Variants in ATG12 observed in about 807,000 individuals in gnomAD.
ATG12 encodes the protein autophagy related 12, also known as ubiquitin-like protein ATG12.
In ATG12, 19 loss-of-function variants were observed where a neutral mutation model predicts 17.6. The ratio of observed to expected loss-of-function variants is 1.08; its 90% CI spans 0.75 to 1.58. The LOEUF (loss-of-function observed/expected upper bound fraction) is 1.58, where lower values mean the gene tolerates loss of function less well. Ranked by LOEUF, ATG12 falls within the 40% of genes most tolerant of loss-of-function variation. The probability of loss-of-function intolerance (pLI) is 0.00; values close to 1 mark genes in which losing one functional copy is unlikely to be tolerated. For synonymous variants in ATG12, 75 were observed against 62.4 expected, an observed-to-expected ratio of 1.20 and a Z score of -0.95; for missense variants, 214 against 162.0, an observed-to-expected ratio of 1.32 and a Z score of -1.74.
Position 115,834,379 on chromosome 5 carries a change from T to G in ATG12, c.301-1715A>C, listed in dbSNP as rs540124378. ...TAAGTAACAGGTTAACATCATCAAT[T>G]CCACTGCAGAATCGCTAAGTGGCGT... On this transcript the variant is annotated intron_variant, in intron 2 of 3. Coordinates refer to ENST00000509910, the MANE Select transcript of ATG12 (RefSeq NM_004707.4). The G allele has an allele frequency of 5.9e-5, 9 of 152,326 alleles. No homozygotes were observed. In the South Asian group the frequency reaches 1.4e-3, roughly 25 times the overall value. The allele number at this position is 152,326 out of a possible 1,614,324, so 9.4% of individuals were successfully genotyped here.
Position 115,832,589 on chromosome 5 carries a change from T to TA in ATG12, c.363+12_363+13insT, listed in dbSNP as rs1437857718. On this transcript the variant is annotated intron_variant, in intron 3 of 3. Coordinates refer to ENST00000509910, the MANE Select transcript of ATG12 (RefSeq NM_004707.4). ...TTTCTTTCTTTTTTTTTTTTTTTTTTTTTTTTTTTTACCTCATAGAGAGTT... is the reference window on the plus strand; with the variant it reads ...TTTCTTTCTTTTTTTTTTTTTTTTTTATTTTTTTTTTACCTCATAGAGAGTT... The TA allele has an allele frequency of 6.9e-7, 1 of 1,439,626 alleles. No homozygotes were observed. Among genetic ancestry groups the TA allele is most frequent in the Non-Finnish European group, 9.1e-7 (1 of 1,102,746 alleles). The allele number at this position is 1,439,626 out of a possible 1,614,324, so 89.2% of individuals were successfully genotyped here.
chr5:115,832,075 G>GC (rs1760891417), intron 3 of ATG12, among the ~76,000 whole-genome samples: 1 of 152,034 alleles, frequency 6.6e-6, no homozygotes, highest in Non-Finnish European at 1.5e-5. Context: ...AGCATCTTAG[G>GC]CATGAATGAG....
Position 115,830,930 on chromosome 5 carries a change from A to G in ATG12, c.*874T>C, listed in dbSNP as rs1760844608. 1 of 152,252 alleles carries G rather than the reference A, an allele frequency of 6.6e-6. No homozygotes were observed. The highest frequency in any genetic ancestry group is 2.4e-5 in the African/African-American group (1 of 41,470). 9.4% of individuals were successfully genotyped at this position (152,252 alleles called of 1,614,324 possible). ...TAGCATCAGTAAAAATGGCACTTTT[A>G]GTCATGGCATAAAATATACAATAAG... On this transcript the variant is annotated 3_prime_UTR_variant, in exon 4 of 4. Coordinates refer to ENST00000509910, the MANE Select transcript of ATG12 (RefSeq NM_004707.4).
intron 2 of ATG12, among the ~76,000 whole-genome samples, chr5:115,834,509 G>A (rs1209665432): frequency 6.6e-6 from 1 of 152,160 alleles, no homozygotes; most frequent in Non-Finnish European, 1.5e-5. Flanking sequence ...GACAAAATTA[G>A]TTAGTTTTAT....
chr5:115,840,591 C>A, intron 1 of ATG12: 1 of 1,279,178 alleles, frequency 7.8e-7, no homozygotes, highest in Admixed American at 2.4e-5. Context: ...AGCCACCGCG[C>A]CCGGCCAGAG....
intron 3 of ATG12, 27 bp downstream of exon 3, chr5:115,832,563 ATTTCTTTCTTTT>A: frequency 1.4e-6 from 2 of 1,392,718 alleles, no homozygotes; most frequent in Non-Finnish European, 1.8e-6. Flanking sequence ...AAAAGCAGTA[ATTTCTTTCTTTT>A]TTTTTTTTTT....
At position 115,831,602 on chromosome 5, in the gene ATG12, T is replaced by A; in HGVS notation, c.*202A>T. The stretch of plus-strand genomic sequence containing the variant: ...GGTGTACTATCATGACCATCTTTTA[T>A]GATGACTGGTGCATTAATACAAATC... On this transcript the variant is annotated 3_prime_UTR_variant, in exon 4 of 4. Transcript: ENST00000509910. The A allele has an allele frequency of 1.6e-6, 1 of 616,496 alleles. No homozygotes were observed. Among genetic ancestry groups the A allele is most frequent in the South Asian group, 1.9e-5 (1 of 51,376 alleles). The allele number at this position is 616,496 out of a possible 1,614,324, so 38.2% of individuals were successfully genotyped here.
At chr5:115,839,553 C>T (rs1345206304) in intron 1 of ATG12, 2 of 152,124 alleles carry the variant, frequency 1.3e-5, no homozygotes, top group African/African-American at 4.8e-5. Flanking sequence ...AAGTGTAAGA[C>T]AGTGAGAAAC....
intron 1 of ATG12, among the ~76,000 whole-genome samples, chr5:115,839,798 C>T (rs781429802): frequency 1.3e-5 from 2 of 152,098 alleles, no homozygotes; most frequent in Non-Finnish European, 2.9e-5. Context: ...ATATTATCCT[C>T]AACAAATAAT....
Position 115,837,608 on chromosome 5 carries a change from C to G in ATG12, c.300+20G>C, listed in dbSNP as rs778317678. 2.5e-6 allele frequency: 4 copies of G among 1,607,028 alleles called. No individual in the cohort carries two copies. Among genetic ancestry groups the G allele is most frequent in the Admixed American group, 3.4e-5 (2 of 58,392 alleles). On this transcript the variant is annotated intron_variant, in intron 2 of 3. Transcript: ENST00000509910. ...ACTACTGCAAATTTTTGTAGGAAAA[C>G]ATCACCATTGGTTTCATACCAACTG...
At chr5:115,832,818 G>T in intron 2 of ATG12, 154 bp from the exon 3 acceptor site, 3 of 640,144 alleles carry the variant, frequency 4.7e-6, no homozygotes, top group Non-Finnish European at 4.9e-6. Flanking sequence ...AATTTAAAGA[G>T]ATCATTACGA....
At chr5:115,836,250 T>A (rs1357968028) in intron 2 of ATG12, among the ~76,000 whole-genome samples, 1 of 152,216 alleles carries the variant, frequency 6.6e-6, no homozygotes, top group Non-Finnish European at 1.5e-5. Flanking sequence ...TGTATTGGTA[T>A]CAATCAAGTC....
Position 115,841,332 on chromosome 5 carries a change from C to G in ATG12, c.163+58G>C, listed in dbSNP as rs1458210030. The G allele has an allele frequency of 6.2e-6, 10 of 1,604,536 alleles. No individual in the cohort carries two copies. In the East Asian group the frequency reaches 2.2e-4, roughly 36 times the overall value. ...ATTTTGCTTCTTTACTGGCCGCCAC[C>G]CCTACTCGGATGCAATCTGAACCTC... On this transcript the variant is annotated intron_variant, in intron 1 of 3. Coordinates refer to ENST00000509910, the MANE Select transcript of ATG12 (RefSeq NM_004707.4).
rs558346175 is a variant in ATG12, at chr5:115,829,658, T to A, written c.*2146A>T. 1 of 152,360 alleles carries A rather than the reference T, an allele frequency of 6.6e-6. No homozygotes were observed. The highest frequency in any genetic ancestry group is 1.9e-4 in the East Asian group (1 of 5,194). 9.4% of individuals were successfully genotyped at this position (152,360 alleles called of 1,614,324 possible). On this transcript the variant is annotated 3_prime_UTR_variant, in exon 4 of 4. Coordinates refer to ENST00000509910, the MANE Select transcript of ATG12 (RefSeq NM_004707.4). The stretch of plus-strand genomic sequence containing the variant: ...TGTTCAGTTTTTCCCCCAAGTTTAA[T>A]CAGACTTGAGAGTTTAAATTAAAAA...
chr5:115,840,633 A>C lies in ATG12; in HGVS notation c.163+757T>G, dbSNP rs1254892888. The stretch of plus-strand genomic sequence containing the variant: ...GTCATCTTAAGACAGAACGGGGAAA[A>C]CGTCTAAGGACGAAATCAGCCTCTC... On this transcript the variant is annotated intron_variant, in intron 1 of 3. Coordinates refer to ENST00000509910, the MANE Select transcript of ATG12 (RefSeq NM_004707.4). 3.2e-6 allele frequency: 4 copies of C among 1,254,940 alleles called. No individual in the cohort carries two copies. In the Admixed American group the frequency reaches 1.1e-4, roughly 35 times the overall value. 77.7% of individuals were successfully genotyped at this position (1,254,940 alleles called of 1,614,324 possible). A position where few individuals can be genotyped will look rare whatever the true frequency, so the allele number is the denominator to read the frequency against.
At chr5:115,831,957 C>A in intron 3 of ATG12, 94 bp from the exon 4 acceptor site, 1 of 1,183,362 alleles carries the variant, frequency 8.5e-7, no homozygotes, top group Non-Finnish European at 1.2e-6. Context: ...TAAATATCCA[C>A]ACACGTATAT....
chr5:115,838,510 AT>A (rs1761197147), intron 1 of ATG12: 1 of 152,234 alleles, frequency 6.6e-6, no homozygotes. Context: ...TCACAAACAC[AT>A]TCACATAAAT....
Position 115,828,215 on chromosome 5 carries a change from CTTTA to C in ATG12, c.*3585_*3588del, listed in dbSNP as rs916491011. 1.3e-5 allele frequency: 2 copies of C among 152,118 alleles called. No homozygotes were observed. Among genetic ancestry groups the C allele is most frequent in the Admixed American group, 6.5e-5 (1 of 15,276 alleles). 9.4% of individuals were successfully genotyped at this position (152,118 alleles called of 1,614,324 possible). A position where few individuals can be genotyped will look rare whatever the true frequency, so the allele number is the denominator to read the frequency against. On this transcript the variant is annotated 3_prime_UTR_variant, in exon 4 of 4. Coordinates refer to ENST00000509910, the MANE Select transcript of ATG12 (RefSeq NM_004707.4). ...AGGGACTTTATTAGTCTCTTATGAG[CTTTA>C]TTAGTGTTATTCCAATATTTAGGAC...
At chr5:115,832,560 GTAATTTCT>G (rs1760919604) in intron 3 of ATG12, 34 bp downstream of exon 3, 1 of 1,244,990 alleles carries the variant, frequency 8.0e-7, no homozygotes, top group African/African-American at 2.2e-5. Context: ...AAAAAAAGCA[GTAATTTCT>G]TTCTTTTTTT....
Sources: allele counts gnomAD v4.1 joint callset (sites outside exome capture counted in the v4.1 genomes callset), GRCh38; gene constraint gnomAD v4.1.1; transcripts MANE v1.5; gene names NCBI Gene and HGNC (gene_info 2026-07-23, HGNC 2026-07-21).